Variants in ZCWPW2 observed in about 807,000 individuals in gnomAD.
ZCWPW2 encodes zinc finger CW-type and PWWP domain containing 2.
Under a neutral mutation model 46.6 loss-of-function variants are expected in ZCWPW2, and 45 were observed. That is an observed-to-expected ratio of 0.96 (90% confidence interval 0.76 to 1.24). The LOEUF is 1.24. ZCWPW2 is among the 50% of genes most tolerant of loss of function. The pLI is 0.00. For missense variants in ZCWPW2, 429 were observed against 403.9 expected, an observed-to-expected ratio of 1.06 and a Z score of -0.53; for synonymous variants, 152 against 137.1, an observed-to-expected ratio of 1.11 and a Z score of -0.76.
At chr3:28,514,703 T>A (rs1215508973) in intron 7 of ZCWPW2, among the ~76,000 whole-genome samples, 1 of 152,218 alleles carries the variant, frequency 6.6e-6, no homozygotes, top group Non-Finnish European at 1.5e-5. Context: ...AAGATTAATA[T>A]CTTATGAGCA....
At chr3:28,489,620 G>T (rs1377521253) in intron 5 of ZCWPW2, among the ~76,000 whole-genome samples, 1 of 150,906 alleles carries the variant, frequency 6.6e-6, no homozygotes, top group Non-Finnish European at 1.5e-5. Flanking sequence ...GTATTCCAAA[G>T]ATCAAGATCT....
intron 3 of ZCWPW2, among the ~76,000 whole-genome samples, chr3:28,431,762 G>T (rs1386203854): frequency 6.6e-6 from 1 of 152,056 alleles, no homozygotes. Flanking sequence ...CAGTTACTAT[G>T]AGGTCTAGAT....
chr3:28,436,534 A>C (rs1332817136), intron 4 of ZCWPW2, among the ~76,000 whole-genome samples: 1 of 152,014 alleles, frequency 6.6e-6, no homozygotes, highest in East Asian at 1.9e-4. Flanking sequence ...ATCCACAGTA[A>C]AATTAAATCT....
At position 28,519,531 on chromosome 3, in the gene ZCWPW2, C is replaced by A. The variant is rs924506830; in HGVS notation, c.785-1461C>A. On this transcript the variant is annotated intron_variant, in intron 8 of 9. Transcript: ENST00000383768. ...CATAACCTGCTATGATTTTATTTAA[C>A]ATTATTTAATAAGTACTTTAGCAGA... Among the ~76,000 whole-genome samples the A allele has an allele frequency of 1.5e-4, 23 of 152,256 alleles. No individual in the cohort carries two copies. The East Asian group carries it at 4.2e-3, about 28-fold the overall frequency.
intron 1 of ZCWPW2, among the ~76,000 whole-genome samples, chr3:28,351,864 A>T (rs1233263937): frequency 1.3e-5 from 2 of 152,046 alleles, no homozygotes; most frequent in South Asian, 2.1e-4. Context: ...TTTCATGTTC[A>T]TATCAGCTTC....
intron 1 of ZCWPW2, among the ~76,000 whole-genome samples, chr3:28,357,661 G>A (rs938436112): frequency 1.3e-5 from 2 of 151,754 alleles, no homozygotes; most frequent in African/African-American, 4.8e-5. Context: ...CTTCTGTTTT[G>A]CAAGCCTTTG....
chr3:28,354,201 C>T (rs1559470188), intron 1 of ZCWPW2, among the ~76,000 whole-genome samples: 1 of 152,042 alleles, frequency 6.6e-6, no homozygotes. Context: ...GAGATACAAA[C>T]TATCATCAGA....
At chr3:28,513,958 G>A in intron 6 of ZCWPW2, 106 bp from the exon 7 acceptor site, 2 of 749,504 alleles carry the variant, frequency 2.7e-6, no homozygotes, top group South Asian at 4.4e-5. Flanking sequence ...TTATCAGCCG[G>A]GGTGTTTCTT....
chr3:28,352,246 G>A (rs1007301914), intron 1 of ZCWPW2, among the ~76,000 whole-genome samples: 1 of 151,732 alleles, frequency 6.6e-6, no homozygotes, highest in African/African-American at 2.4e-5. Flanking sequence ...ATCTTAAACC[G>A]GCAGTCTCTG....
chr3:28,396,139 C>A (rs1348235192), intron 2 of ZCWPW2, among the ~76,000 whole-genome samples: 1 of 152,050 alleles, frequency 6.6e-6, no homozygotes, highest in Non-Finnish European at 1.5e-5. Context: ...AACATTAGAA[C>A]ACAACAAATT....
At chr3:28,356,685 T>G (rs1704743434) in intron 1 of ZCWPW2, among the ~76,000 whole-genome samples, 2 of 152,214 alleles carry the variant, frequency 1.3e-5, no homozygotes, top group African/African-American at 4.8e-5. Context: ...TAAAAAATGA[T>G]GAGTTCATGT....
chr3:28,449,265 G>C (rs1399366485), intron 4 of ZCWPW2, among the ~76,000 whole-genome samples: 1 of 151,996 alleles, frequency 6.6e-6, no homozygotes, highest in Non-Finnish European at 1.5e-5. Context: ...CTAAATGTAA[G>C]ACCTAAAATT....
At chr3:28,389,258 G>T (rs1477015630) in intron 1 of ZCWPW2, among the ~76,000 whole-genome samples, 2 of 152,144 alleles carry the variant, frequency 1.3e-5, no homozygotes, top group Non-Finnish European at 2.9e-5. Context: ...GTCCCCTTCA[G>T]GGCAGACCTA....
At chr3:28,360,860 C>T (rs1398569981) in intron 1 of ZCWPW2, among the ~76,000 whole-genome samples, 1 of 152,014 alleles carries the variant, frequency 6.6e-6, no homozygotes, top group African/African-American at 2.4e-5. Flanking sequence ...TACTACCAAG[C>T]TACGTTAATC....
chr3:28,434,856 T>TG (rs1697419208), intron 3 of ZCWPW2, among the ~76,000 whole-genome samples: 1 of 152,240 alleles, frequency 6.6e-6, no homozygotes, highest in East Asian at 1.9e-4. Context: ...ATCATTCTTT[T>TG]GCTTTATAAT....
rs112273890 is a variant in ZCWPW2 at position 28,508,193 on chromosome 3, T to C, written c.658-5871T>C. Among the ~76,000 whole-genome samples the C allele has an allele frequency of 9.6e-3, 1,463 of 152,176 alleles. 23 individuals carry two copies. Among genetic ancestry groups the C allele is most frequent in the African/African-American group, 0.034 (1,393 of 41,516 alleles). On this transcript the variant is annotated intron_variant, in intron 6 of 9. Transcript: ENST00000383768. ...ACCCACAAAGGAGGGCATTGATCCA[T>C]TTGTGAAGGATTTACCCCTATAACC...
chr3:28,373,290 C>G (rs561282655), intron 1 of ZCWPW2, among the ~76,000 whole-genome samples: 3 of 152,132 alleles, frequency 2.0e-5, no homozygotes, highest in Non-Finnish European at 2.9e-5. Context: ...AGGAGGGTTC[C>G]CCTTTCTCCA....
intron 4 of ZCWPW2, among the ~76,000 whole-genome samples, chr3:28,455,679 G>A (rs1275169093): frequency 2.0e-5 from 3 of 151,954 alleles, no homozygotes; most frequent in Non-Finnish European, 2.9e-5. Flanking sequence ...TAAGGAAGGG[G>A]TCCAGTTTCA....
chr3:28,495,179 T>C (rs1254347633), intron 6 of ZCWPW2, among the ~76,000 whole-genome samples: 1 of 151,990 alleles, frequency 6.6e-6, no homozygotes, highest in Non-Finnish European at 1.5e-5. Flanking sequence ...CTTCAAACTA[T>C]ACTACAAGGC....
Sources: gnomAD v4.1 joint callset for allele counts (sites outside exome capture counted in the v4.1 genomes callset) on GRCh38, gnomAD v4.1.1 for gene constraint, MANE v1.5 for transcripts, NCBI Gene and HGNC (gene_info 2026-07-23, HGNC 2026-07-21) for gene names.